ATR: variants seen among roughly 807,000 people sequenced by gnomAD.
The protein encoded by ATR is ATR checkpoint kinase, also known as serine/threonine-protein kinase ATR.
In ATR, 142 loss-of-function variants were observed where a neutral mutation model predicts 305.3. The ratio of observed to expected loss-of-function variants is 0.47; its 90% CI spans 0.41 to 0.53. The LOEUF is 0.53. ATR is among the 20% of genes least tolerant of loss of function. The probability of loss-of-function intolerance (pLI) is 0.00; values close to 1 mark genes in which losing one functional copy is unlikely to be tolerated. For synonymous variants in ATR, 1,050 were observed against 1,068.1 expected, an observed-to-expected ratio of 0.98 and a Z score of 0.33; for missense variants, 2,135 against 3,133.1, an observed-to-expected ratio of 0.68 and a Z score of 7.60.
chr3:142,564,364 T>A (rs892142826), intron 3 of ATR, among the ~76,000 whole-genome samples: 5 of 152,216 alleles, frequency 3.3e-5, no homozygotes, highest in Admixed American at 1.3e-4. Context: ...TTGTATAAAC[T>A]TTTCATTTCT....
chr3:142,458,899 T>G, intron 44 of ATR, 59 bp downstream of exon 44: 1 of 1,565,864 alleles, frequency 6.4e-7, no homozygotes, highest in South Asian at 1.1e-5. Flanking sequence ...AAGATACAGT[T>G]GTTGAGAAAA....
rs189789708 is a variant in ATR, at chr3:142,509,314, C to T, written c.4853-1205G>A. ...GAGTAGCTGGGACCATAGGCATGTG[C>T]CACCACGCCTGGCCAAGTTTTGTAT... is the stretch of plus-strand genomic sequence containing the variant. On this transcript the variant is annotated intron_variant, in intron 27 of 46. Transcript: ENST00000350721. Among the ~76,000 whole-genome samples the T allele has an allele frequency of 3.9e-5, 6 of 152,114 alleles. No homozygotes were observed. In the East Asian group the frequency reaches 1.2e-3, roughly 29 times the overall value.
In ATR at chr3:142,508,125, A is replaced by G; in HGVS notation, c.4853-16T>C. ...ACAGTAGATACTAGATCATAAAAAA[A>G]GTTGAGTAATTAAAGACTTATAAGA... is the stretch of plus-strand genomic sequence containing the variant. On this transcript the variant is annotated splice_polypyrimidine_tract_variant and intron_variant, in intron 27 of 46. Transcript: ENST00000350721. 6.3e-7 allele frequency: 1 copy of G among 1,599,064 alleles called. No individual in the cohort carries two copies. The highest frequency in any genetic ancestry group is 8.5e-7 in the Non-Finnish European group (1 of 1,171,974).
At chr3:142,492,272 T>C (rs2031329859) in intron 35 of ATR, among the ~76,000 whole-genome samples, 1 of 152,198 alleles carries the variant, frequency 6.6e-6, no homozygotes, top group Non-Finnish European at 1.5e-5. Flanking sequence ...GCTGGTGGAC[T>C]GAATAACTCT....
intron 35 of ATR, among the ~76,000 whole-genome samples, chr3:142,492,783 C>G (rs1302978466): frequency 2.6e-5 from 4 of 152,104 alleles, no homozygotes; most frequent in Non-Finnish European, 5.9e-5. Context: ...AGAGGTATAT[C>G]TCTTACAACA....
rs938716257 is a variant in ATR, at chr3:142,531,433, G to A, written c.3945+3647C>T. 9.2e-5 allele frequency among the ~76,000 whole-genome samples: 14 copies of A among 151,926 alleles called. No individual in the cohort carries two copies. The East Asian group carries it at 2.7e-3, about 29-fold the overall frequency. On this transcript the variant is annotated intron_variant, in intron 21 of 46. Transcript: ENST00000350721. ...CCCTCACCCCACAACAGGCCCCAGT[G>A]TGTGATGTTCCCCTTCCTGTGTCCA... is the stretch of plus-strand genomic sequence containing the variant.
chr3:142,485,217 T>C lies in ATR; in HGVS notation c.6144A>G (p.Lys2048=). The C allele has an allele frequency of 2.5e-6, 4 of 1,614,176 alleles. No homozygotes were observed. The highest frequency in any genetic ancestry group is 3.4e-6 in the Non-Finnish European group (4 of 1,180,020). The part of the protein sequence containing the change: ...GHFYLAKYYD[K]LMPMVTDNKM... ...TGTTGTCTGTGACCATGGGCATCAA[T>C]TTGTCATAGTACTTGGCAAGGTAAA... The change falls in exon 36 of 47, where the codon AAA becomes AAG. Residue 2048 remains lysine, a synonymous_variant. Transcript: ENST00000350721.
Position 142,457,563 on chromosome 3 carries a change from C to A in ATR, c.7655+41G>T, listed in dbSNP as rs745414333. 3.7e-6 allele frequency: 6 copies of A among 1,610,340 alleles called. No individual in the cohort carries two copies. In the African/African-American group the frequency reaches 6.7e-5, roughly 18 times the overall value. ...ATATGTAGGGGCCAATAATTATATT[C>A]GAGGTTACTGTTAAATTATTTACAA... On this transcript the variant is annotated intron_variant, in intron 45 of 46. Transcript: ENST00000350721.
chr3:142,485,005 C>CT (rs1215035188), intron 36 of ATR, 135 bp downstream of exon 36: 1 of 1,298,056 alleles, frequency 7.7e-7, no homozygotes, highest in Non-Finnish European at 1.1e-6. Context: ...AAATTTACAT[C>CT]TTATCTAAGG....
rs922525506 is a variant in ATR at position 142,553,753 on chromosome 3, A to C, written c.2533-13T>G. Reference sequence around the variant, plus strand: ...TTAAGACAAAAAGCTAGAACAATAAAATTAACTGGTTAAAGAAATTTTTAG... The same window carrying C: ...TTAAGACAAAAAGCTAGAACAATAACATTAACTGGTTAAAGAAATTTTTAG... On this transcript the variant is annotated splice_polypyrimidine_tract_variant and intron_variant, in intron 11 of 46. Transcript: ENST00000350721. 6.2e-7 allele frequency: 1 copy of C among 1,611,212 alleles called. No homozygotes were observed. The highest frequency in any genetic ancestry group is 1.3e-5 in the African/African-American group (1 of 74,848).
intron 21 of ATR, among the ~76,000 whole-genome samples, chr3:142,524,741 G>A (rs2108401082): frequency 6.6e-6 from 1 of 152,198 alleles, no homozygotes; most frequent in East Asian, 1.9e-4. Flanking sequence ...GTTCTGTGAG[G>A]ATGGAAAAGA....
At chr3:142,485,321 C>T (rs758065102) in intron 35 of ATR, 39 bp from the exon 36 acceptor site, 11 of 1,609,954 alleles carry the variant, frequency 6.8e-6, no homozygotes, top group East Asian at 2.2e-5. Context: ...TAAGGAAATC[C>T]CACGCTATGC....
chr3:142,470,908 C>CAAG (rs1290026942), intron 36 of ATR, among the ~76,000 whole-genome samples: 8 of 152,078 alleles, frequency 5.3e-5, no homozygotes, highest in African/African-American at 1.9e-4. Context: ...AGTTTATTTT[C>CAAG]AAAAGAAATT....
chr3:142,451,457 CTT>C, intron 46 of ATR: 1 of 1,497,040 alleles, frequency 6.7e-7, no homozygotes, highest in Middle Eastern at 2.0e-4. Flanking sequence ...AAATAGGAGA[CTT>C]TGGTCTGGCT....
chr3:142,547,923 C>CCA lies in ATR; in HGVS notation c.3172-14_3172-13insTG. On this transcript the variant is annotated splice_polypyrimidine_tract_variant and intron_variant, in intron 15 of 46. Coordinates refer to ENST00000350721, the MANE Select transcript of ATR (RefSeq NM_001184.4). ...TTTCTGTTTCATTCTAACCCAAAGA[C>CCA]ATGTTAAAAAAAATTTTTTTCTTCA... is the stretch of plus-strand genomic sequence containing the variant. The CCA allele has an allele frequency of 6.2e-7, 1 of 1,613,260 alleles. No homozygotes were observed. The highest frequency in any genetic ancestry group is 8.5e-7 in the Non-Finnish European group (1 of 1,179,698).
chr3:142,473,800 C>A (rs1339045388), intron 36 of ATR, among the ~76,000 whole-genome samples: 3 of 151,946 alleles, frequency 2.0e-5, no homozygotes, highest in African/African-American at 7.3e-5. Flanking sequence ...CCCACCTCAG[C>A]CTCGCTATGA....
At position 142,562,280 on chromosome 3, in the gene ATR, A is replaced by G. The variant is rs775981445; in HGVS notation, c.1122T>C (p.Asn374=). The G allele has an allele frequency of 1.2e-6, 2 of 1,614,074 alleles. No homozygotes were observed. Among genetic ancestry groups the G allele is most frequent in the Non-Finnish European group, 1.7e-6 (2 of 1,179,966 alleles). The change falls in exon 4 of 47, where the codon AAT becomes AAC. Residue 374 remains asparagine, a synonymous_variant. Transcript: ENST00000350721. ...ALQVRKVYVR[N]ICKALLDVLG... ...GCACATCCAAAAGAGCTTTACAAAT[A>G]TTTCTCACATAGACCTTCCTGACTT... is the stretch of plus-strand genomic sequence containing the variant.
At chr3:142,450,360 G>T in intron 46 of ATR, 2 of 1,355,318 alleles carry the variant, frequency 1.5e-6, no homozygotes, top group Non-Finnish European at 2.1e-6. Flanking sequence ...TCAAGACAGT[G>T]TTTAAGTTAC....
intron 1 of ATR, among the ~76,000 whole-genome samples, chr3:142,568,755 G>A (rs2035162604): frequency 6.6e-6 from 1 of 152,212 alleles, no homozygotes; most frequent in African/African-American, 2.4e-5. Flanking sequence ...CCCGCTCCCG[G>A]CACCCACACC....
Sources: allele counts gnomAD v4.1 joint callset (sites outside exome capture counted in the v4.1 genomes callset), GRCh38; gene constraint gnomAD v4.1.1; transcripts MANE v1.5; gene names NCBI Gene and HGNC (gene_info 2026-07-23, HGNC 2026-07-21).